The following PDK3 variants were observed in gnomAD, a reference collection of about 807,000 sequenced individuals.
PDK3 encodes the protein pyruvate dehydrogenase kinase 3, also known as pyruvate dehydrogenase kinase, isozyme 3.
Under a neutral mutation model 32.0 loss-of-function variants are expected in PDK3, and 12 were observed. That is an observed-to-expected ratio of 0.37 (90% CI 0.24 to 0.61). PDK3 has a LOEUF of 0.61. Ranked by LOEUF, PDK3 falls within the 20% of genes least tolerant of loss-of-function variation. The probability of loss-of-function intolerance (pLI) is 0.65; values close to 1 mark genes in which losing one functional copy is unlikely to be tolerated. For missense variants in PDK3, 188 were observed against 316.9 expected (o/e 0.59, Z 3.09); for synonymous variants, 122 against 116.3 (o/e 1.05, Z -0.31).
exon 12 of PDK3, chrX:24,548,044 C>T (rs1461526161): frequency 8.9e-6 from 1 of 111,993 alleles, no homozygotes; most frequent in Non-Finnish European, 1.9e-5. Context: ...ATTTTCACTA[C>T]CCCCGCCTGT....
chrX:24,499,278 A>T (rs990675416), intron 3 of PDK3, among the ~76,000 whole-genome samples: 2 of 111,441 alleles, frequency 1.8e-5, no homozygotes, highest in South Asian at 7.5e-4. Context: ...AAATTTCAAT[A>T]GGATATTACA....
chrX:24,541,110 C>T (rs1463003911), exon 12 of PDK3, among the ~76,000 whole-genome samples: 6 of 106,659 alleles, frequency 5.6e-5, no homozygotes, highest in Non-Finnish European at 1.2e-4. Flanking sequence ...GGGGTTTCAC[C>T]ATGTTGGCCA....
At chrX:24,499,040 T>C (rs1921787065) in intron 3 of PDK3, 140 bp downstream of exon 3, 1 of 322,763 alleles carries the variant, frequency 3.1e-6, no homozygotes, top group Non-Finnish European at 5.0e-6. Flanking sequence ...TGACTCAACA[T>C]TGAGTTTTTT....
downstream of PDK3, among the ~76,000 whole-genome samples, chrX:24,535,836 C>A (rs1364105420): frequency 9.4e-6 from 1 of 106,756 alleles, no homozygotes; most frequent in Non-Finnish European, 1.9e-5. Context: ...AGGCGTGGGC[C>A]ACCATGCCTG....
At chrX:24,507,600 T>C (rs1434031066) in intron 5 of PDK3, among the ~76,000 whole-genome samples, 2 of 112,157 alleles carry the variant, frequency 1.8e-5, no homozygotes, top group African/African-American at 6.5e-5. Context: ...AGACAGTCCT[T>C]GGGTGTCAGA....
At chrX:24,531,573 T>C in intron 9 of PDK3, 84 bp from the exon 10 acceptor site, 1 of 528,652 alleles carries the variant, frequency 1.9e-6, no homozygotes, top group South Asian at 3.1e-5. Flanking sequence ...CAAGAATTTA[T>C]TTTAACCTTC....
chrX:24,543,293 ACTCAT>A (rs1490464016), exon 12 of PDK3, among the ~76,000 whole-genome samples: 1 of 110,076 alleles, frequency 9.1e-6, no homozygotes, highest in Non-Finnish European at 1.9e-5. Context: ...CTTAGATGGC[ACTCAT>A]CTCATCTTTC....
downstream of PDK3, among the ~76,000 whole-genome samples, chrX:24,538,549 C>T (rs934483458): frequency 1.8e-5 from 2 of 111,932 alleles, no homozygotes; most frequent in East Asian, 5.6e-4. Flanking sequence ...GAGGCCATGG[C>T]GGGTGGATCA....
chrX:24,532,654 G>A (rs964739490), intron 10 of PDK3, among the ~76,000 whole-genome samples: 34 of 111,711 alleles, frequency 3.0e-4, no homozygotes, highest in African/African-American at 1.0e-3. Context: ...GCCCTAAACC[G>A]CCAGTTCTGT....
chrX:24,467,951 G>A (rs1207939666), intron 1 of PDK3, among the ~76,000 whole-genome samples: 1 of 111,794 alleles, frequency 8.9e-6, no homozygotes, highest in Non-Finnish European at 1.9e-5. Context: ...TATATTTCAA[G>A]AGAACTTTGG....
intron 5 of PDK3, among the ~76,000 whole-genome samples, chrX:24,508,658 CT>C (rs1378306166): frequency 1.8e-5 from 2 of 111,190 alleles, no homozygotes; most frequent in Non-Finnish European, 3.8e-5. Context: ...CACTTACTGT[CT>C]GTGTTACTCT....
exon 12 of PDK3, chrX:24,547,583 A>G (rs1485291791): frequency 1.8e-5 from 2 of 112,527 alleles, no homozygotes; most frequent in African/African-American, 6.4e-5. Context: ...TTTAATTTAC[A>G]TAGAGACGTA....
At chrX:24,502,073 C>T (rs1157007476) in intron 3 of PDK3, among the ~76,000 whole-genome samples, 2 of 110,760 alleles carry the variant, frequency 1.8e-5, no homozygotes, top group Admixed American at 9.6e-5. Flanking sequence ...ATGTGTGTCC[C>T]TATAGGATTG....
intron 1 of PDK3, among the ~76,000 whole-genome samples, chrX:24,488,415 G>T (rs1421241949): frequency 8.9e-6 from 1 of 112,360 alleles, no homozygotes; most frequent in African/African-American, 3.2e-5. Context: ...GAGGCCAGGC[G>T]CAGTGGCTCA....
intron 1 of PDK3, among the ~76,000 whole-genome samples, chrX:24,489,476 G>T (rs974974196): frequency 9.0e-6 from 1 of 110,688 alleles, no homozygotes; most frequent in Admixed American, 9.7e-5. Context: ...CTTAAGGTCA[G>T]GAGTTGGAGA....
At chrX:24,493,904 G>A (rs986067431) in intron 1 of PDK3, among the ~76,000 whole-genome samples, 1 of 112,059 alleles carries the variant, frequency 8.9e-6, no homozygotes, top group Admixed American at 9.4e-5. Context: ...GCAGGGCTGG[G>A]GGTTGCAGGC....
rs1922324215 is a variant in PDK3 at position 24,518,852 on chromosome X, C to G, written c.596-81C>G. The G allele has an allele frequency of 7.9e-6, 4 of 505,745 alleles. No individual in the cohort carries two copies. The Admixed American group carries it at 1.0e-4, about 13-fold the overall frequency. The allele number at this position is 505,745 out of a possible 1,213,427, so 41.7% of individuals were successfully genotyped here. On this transcript the variant is annotated intron_variant, in intron 5 of 10. Transcript: ENST00000379162. ...ATGCACATGTGCACACACACACACA[C>G]ACACACACACACACACACACACACA...
exon 12 of PDK3, among the ~76,000 whole-genome samples, chrX:24,545,017 G>T (rs1414811520): frequency 8.9e-6 from 1 of 112,279 alleles, no homozygotes; most frequent in Non-Finnish European, 1.9e-5. Context: ...ATTGATTAGA[G>T]ATATCAGTAC....
At chrX:24,479,136 T>C (rs768261473) in intron 1 of PDK3, among the ~76,000 whole-genome samples, 19 of 112,831 alleles carry the variant, frequency 1.7e-4, no homozygotes, top group African/African-American at 6.1e-4. Context: ...TTAAGCTTGC[T>C]AGCAGATATT....
Sources: allele counts gnomAD v4.1 joint callset (sites outside exome capture counted in the v4.1 genomes callset), GRCh38; gene constraint gnomAD v4.1.1; transcripts MANE v1.5; gene names NCBI Gene and HGNC (gene_info 2026-07-23, HGNC 2026-07-21).